Variants in XKR6 observed in about 807,000 individuals in gnomAD.
XKR6 encodes the protein XK related 6.
A neutral mutation model predicts 56.7 loss-of-function variants in XKR6; 22 were observed. The observed-to-expected ratio is 0.39, with a 90% confidence interval of 0.28 to 0.55. XKR6 has a LOEUF of 0.55. Ranked by LOEUF, XKR6 falls within the 20% of genes least tolerant of loss-of-function variation. The pLI, the probability that XKR6 is intolerant of heterozygous loss-of-function variation, is 0.66. For missense variants in XKR6, 852 were observed against 889.0 expected (o/e 0.96, Z 0.53); for synonymous variants, 524 against 387.8 (o/e 1.35, Z -4.13).
intron 1 of XKR6, among the ~76,000 whole-genome samples, chr8:10,965,365 C>T (rs1048936679): frequency 1.3e-5 from 2 of 152,228 alleles, no homozygotes; most frequent in Non-Finnish European, 2.9e-5. Context: ...CACGGTCCCC[C>T]AGGGATCTGG....
intron 1 of XKR6, among the ~76,000 whole-genome samples, chr8:11,004,897 A>T (rs1408611576): frequency 6.6e-6 from 1 of 152,228 alleles, no homozygotes; most frequent in African/African-American, 2.4e-5. Context: ...AACATGGATG[A>T]ACCTTGCAGA....
intron 1 of XKR6, among the ~76,000 whole-genome samples, chr8:11,163,118 G>A (rs1045443052): frequency 1.3e-5 from 2 of 151,906 alleles, no homozygotes; most frequent in African/African-American, 4.8e-5. Context: ...AATTATTTTC[G>A]AATAAAATCA....
At chr8:11,137,744 G>A in intron 1 of XKR6, 1 of 455,720 alleles carries the variant, frequency 2.2e-6, no homozygotes, top group Non-Finnish European at 4.4e-6. Context: ...AGTTGGCTCT[G>A]AATCGAATCC....
chr8:11,024,776 C>G (rs866848461), intron 1 of XKR6, among the ~76,000 whole-genome samples: 28 of 152,376 alleles, frequency 1.8e-4, no homozygotes, highest in Middle Eastern at 3.4e-3. Context: ...GAACTGATCC[C>G]TCTTAAAGAC....
In XKR6 at chr8:10,954,263, C is replaced by A. The variant is rs1308204892; in HGVS notation, c.765-29433G>T. 2.0e-5 allele frequency among the ~76,000 whole-genome samples: 3 copies of A among 152,206 alleles called. No individual in the cohort carries two copies. In the East Asian group the frequency reaches 5.8e-4, roughly 29 times the overall value. On this transcript the variant is annotated intron_variant, in intron 1 of 2. Transcript: ENST00000416569. ...CAAGTTGTTTTTCATCGTGGCTGCA[C>A]CATTTTGTATTCCCACAAACAATGC...
chr8:11,145,063 A>C (rs2116950847), intron 1 of XKR6, among the ~76,000 whole-genome samples: 1 of 152,036 alleles, frequency 6.6e-6, no homozygotes, highest in African/African-American at 2.4e-5. Context: ...GGAGGAAGGA[A>C]ACAAACTACC....
intron 1 of XKR6, among the ~76,000 whole-genome samples, chr8:11,085,087 CGCCTCCTCCTTCCAGG>C (rs1179614073): frequency 6.6e-6 from 1 of 152,114 alleles, no homozygotes; most frequent in African/African-American, 2.4e-5. Context: ...CTTCCTCCTC[CGCCTCCTCCTTCCAGG>C]GTCTCCTCTG....
chr8:10,999,674 C>G (rs1798195207), intron 1 of XKR6, among the ~76,000 whole-genome samples: 1 of 152,144 alleles, frequency 6.6e-6, no homozygotes, highest in Non-Finnish European at 1.5e-5. Context: ...TGTGACCAAG[C>G]TACCAAAATA....
At chr8:10,998,094 C>T (rs1271375430) in intron 1 of XKR6, among the ~76,000 whole-genome samples, 1 of 152,150 alleles carries the variant, frequency 6.6e-6, no homozygotes, top group African/African-American at 2.4e-5. Context: ...CACCAGCTCA[C>T]CCCAGAGAGG....
chr8:11,131,697 C>A (rs976884577), intron 1 of XKR6, among the ~76,000 whole-genome samples: 2 of 152,160 alleles, frequency 1.3e-5, no homozygotes, highest in African/African-American at 4.8e-5. Context: ...GACCACATAT[C>A]TAATGGTGGT....
At chr8:11,123,225 A>C (rs1383831422) in intron 1 of XKR6, among the ~76,000 whole-genome samples, 4 of 135,980 alleles carry the variant, frequency 2.9e-5, no homozygotes, top group African/African-American at 9.0e-5. Flanking sequence ...TGGCAGAGTG[A>C]CTCTGTGTAG....
intron 1 of XKR6, among the ~76,000 whole-genome samples, chr8:11,197,972 C>A (rs1472289536): frequency 3.3e-5 from 5 of 152,302 alleles, no homozygotes; most frequent in East Asian, 3.9e-4. Flanking sequence ...TACAACTTCA[C>A]TGACATCTTT....
chr8:11,096,830 C>A (rs549465473), intron 1 of XKR6, among the ~76,000 whole-genome samples: 1 of 152,312 alleles, frequency 6.6e-6, no homozygotes, highest in East Asian at 1.9e-4. Context: ...CAACAAATAC[C>A]ATATGAAGAA....
intron 1 of XKR6, among the ~76,000 whole-genome samples, chr8:11,061,930 T>G (rs1030493445): frequency 5.3e-5 from 8 of 152,320 alleles, no homozygotes; most frequent in African/African-American, 1.4e-4. Context: ...TTAGCTTCCC[T>G]GCCTGTGTCC....
At chr8:11,100,705 G>C (rs553199048) in intron 1 of XKR6, among the ~76,000 whole-genome samples, 1 of 152,380 alleles carries the variant, frequency 6.6e-6, no homozygotes, top group Non-Finnish European at 1.5e-5. Context: ...TCAGAAAAAT[G>C]TGTTGTCTCT....
intron 1 of XKR6, among the ~76,000 whole-genome samples, chr8:11,170,494 G>C (rs73530555): frequency 0.056 from 8,534 of 152,226 alleles, 536 homozygotes; most frequent in African/African-American, 0.16. Flanking sequence ...GTCCAGACTA[G>C]GCAACTCTAC....
intron 2 of XKR6, among the ~76,000 whole-genome samples, chr8:10,923,764 C>T (rs1389358946): frequency 1.3e-5 from 2 of 152,190 alleles, no homozygotes; most frequent in Admixed American, 1.3e-4. Flanking sequence ...GGTGAGAATA[C>T]AAGAGACCAG....
chr8:11,041,426 C>T (rs557880834), intron 1 of XKR6, among the ~76,000 whole-genome samples: 145 of 152,072 alleles, frequency 9.5e-4, no homozygotes, highest in African/African-American at 3.3e-3. Context: ...CGTGGTGGTG[C>T]GTGCTTGTAA....
intron 2 of XKR6, among the ~76,000 whole-genome samples, chr8:10,900,746 G>T (rs1219766162): frequency 6.6e-6 from 1 of 152,144 alleles, no homozygotes; most frequent in African/African-American, 2.4e-5. Flanking sequence ...TGGTTGGTCA[G>T]GGAACCTTTT....
Sources: gnomAD v4.1 joint callset for allele counts (sites outside exome capture counted in the v4.1 genomes callset) on GRCh38, gnomAD v4.1.1 for gene constraint, MANE v1.5 for transcripts, NCBI Gene and HGNC (gene_info 2026-07-23, HGNC 2026-07-21) for gene names.